Variants in SLC16A12 observed in about 807,000 individuals in gnomAD.
SLC16A12 encodes solute carrier family 16 member 12.
A neutral mutation model predicts 42.4 loss-of-function variants in SLC16A12; 17 were observed. The observed-to-expected ratio is 0.40, with a 90% CI of 0.27 to 0.60. SLC16A12 has a LOEUF of 0.60. Among genes scored for constraint, SLC16A12 ranks in the 20% least tolerant of loss-of-function variants. The pLI, the probability that SLC16A12 is intolerant of heterozygous loss-of-function variation, is 0.42. For synonymous variants in SLC16A12, 224 were observed against 229.4 expected, an observed-to-expected ratio of 0.98 and a Z score of 0.21; for missense variants, 544 against 623.0, an observed-to-expected ratio of 0.87 and a Z score of 1.35.
chr10:89,553,109 A>G (rs1240343118), intron 2 of SLC16A12, among the ~76,000 whole-genome samples: 1 of 152,134 alleles, frequency 6.6e-6, no homozygotes, highest in Non-Finnish European at 1.5e-5. Context: ...CATGCCTATT[A>G]TGTTTTCTGT....
intron 2 of SLC16A12, among the ~76,000 whole-genome samples, chr10:89,512,874 A>C (rs1398301350): frequency 1.3e-5 from 2 of 152,222 alleles, no homozygotes; most frequent in East Asian, 1.9e-4. Context: ...TGGAATTGGC[A>C]TCTGAAGTGG....
chr10:89,465,277 C>T (rs1842374538), intron 2 of SLC16A12, among the ~76,000 whole-genome samples: 2 of 152,342 alleles, frequency 1.3e-5, no homozygotes, highest in South Asian at 4.1e-4. Context: ...ACTGCTTCTA[C>T]TACATTTCCT....
rs1478996686 is a variant in SLC16A12 at position 89,430,471 on chromosome 10, A to G, written c.*2593T>C. 2 of 380,062 alleles carry G rather than the reference A, an allele frequency of 5.3e-6. No individual in the cohort carries two copies. Among genetic ancestry groups the G allele is most frequent in the African/African-American group, 4.4e-5 (2 of 45,004 alleles). 23.5% of individuals were successfully genotyped at this position (380,062 alleles called of 1,614,324 possible). On this transcript the variant is annotated 3_prime_UTR_variant, in exon 8 of 8. Transcript: ENST00000371790. ...CTCAGATAATTCCAAAGTAGAGCTT[A>G]CAGTAGTAGAAAGAAATATTTAAGA... is the stretch of plus-strand genomic sequence containing the variant.
chr10:89,521,535 C>A (rs1843356488), intron 2 of SLC16A12, among the ~76,000 whole-genome samples: 1 of 152,168 alleles, frequency 6.6e-6, no homozygotes, highest in Non-Finnish European at 1.5e-5. Flanking sequence ...ACTACAGAAG[C>A]AGAGGACACC....
At chr10:89,444,681 C>A (rs899341909) in intron 3 of SLC16A12, among the ~76,000 whole-genome samples, 6 of 152,268 alleles carry the variant, frequency 3.9e-5, no homozygotes, top group Non-Finnish European at 7.4e-5. Context: ...CAGCTCCCAG[C>A]GTGATTGATG....
rs552005570 is a variant in SLC16A12, at chr10:89,473,419, G to A, written c.-46-10795C>T. Among the ~76,000 whole-genome samples, 11 of 152,156 alleles carry A rather than the reference G, an allele frequency of 7.2e-5. No homozygotes were observed. The East Asian group carries it at 1.5e-3, about 21-fold the overall frequency. On this transcript the variant is annotated intron_variant, in intron 2 of 7. Coordinates refer to ENST00000371790, the MANE Select transcript of SLC16A12 (RefSeq NM_213606.4). ...TCCATTTATACCAAACCTATAGATA[G>A]AACATGTAAACGTAAAAGAAAACTA...
At chr10:89,470,327 C>T (rs1028559425) in intron 2 of SLC16A12, among the ~76,000 whole-genome samples, 14 of 152,180 alleles carry the variant, frequency 9.2e-5, no homozygotes, top group Non-Finnish European at 1.8e-4. Flanking sequence ...TGACCAAGGA[C>T]AGGTATGTGA....
At chr10:89,463,135 A>G (rs1378285589) in intron 2 of SLC16A12, 1 of 154,104 alleles carries the variant, frequency 6.5e-6, no homozygotes. Context: ...CTGCCCTCCT[A>G]CTCTGGACTC....
intron 2 of SLC16A12, among the ~76,000 whole-genome samples, chr10:89,552,589 G>A (rs1192998910): frequency 6.6e-6 from 1 of 152,190 alleles, no homozygotes; most frequent in Non-Finnish European, 1.5e-5. Flanking sequence ...ATGAGAATTA[G>A]CTCTAAGGTC....
chr10:89,535,873 C>G (rs888226304), upstream of SLC16A12, among the ~76,000 whole-genome samples: 1 of 152,176 alleles, frequency 6.6e-6, no homozygotes, highest in African/African-American at 2.4e-5. Flanking sequence ...CTGGCAACGC[C>G]GGGAGAGGGA....
chr10:89,524,159 A>C (rs1427639516), intron 2 of SLC16A12, among the ~76,000 whole-genome samples: 2 of 152,170 alleles, frequency 1.3e-5, no homozygotes, highest in African/African-American at 2.4e-5. Context: ...AATAAATAAA[A>C]GTCTTACCAT....
chr10:89,466,972 CAA>C (rs1429538634), intron 2 of SLC16A12, among the ~76,000 whole-genome samples: 1 of 152,244 alleles, frequency 6.6e-6, no homozygotes, highest in African/African-American at 2.4e-5. Flanking sequence ...AACCGGCATT[CAA>C]GAGTCTACCT....
chr10:89,478,365 C>G (rs1466586470), intron 2 of SLC16A12, among the ~76,000 whole-genome samples: 2 of 152,174 alleles, frequency 1.3e-5, no homozygotes, highest in African/African-American at 4.8e-5. Context: ...ATGTTTTCAG[C>G]CTCCCAGGTC....
chr10:89,440,657 A>C (rs1234775781), intron 5 of SLC16A12, among the ~76,000 whole-genome samples: 2 of 152,114 alleles, frequency 1.3e-5, no homozygotes, highest in African/African-American at 4.8e-5. Flanking sequence ...TGTGTAATAT[A>C]AGAATATTCA....
At chr10:89,537,830 C>T (rs994729126), upstream of SLC16A12, among the ~76,000 whole-genome samples, 3 of 152,198 alleles carry the variant, frequency 2.0e-5, no homozygotes, top group African/African-American at 7.2e-5. Flanking sequence ...CTAGCAAAGA[C>T]CAAAGCTAAT....
intron 2 of SLC16A12, among the ~76,000 whole-genome samples, chr10:89,507,180 C>A (rs1384950946): frequency 6.6e-6 from 1 of 152,132 alleles, no homozygotes; most frequent in East Asian, 1.9e-4. Context: ...ACTTCCCCAA[C>A]ATAGCAAGGC....
chr10:89,522,058 C>T (rs1162767273), intron 2 of SLC16A12, among the ~76,000 whole-genome samples: 2 of 152,196 alleles, frequency 1.3e-5, no homozygotes, highest in East Asian at 1.9e-4. Flanking sequence ...TATCCAGCAG[C>T]TTTGCCATTC....
At chr10:89,547,966 C>CA (rs60543445) in intron 2 of SLC16A12, among the ~76,000 whole-genome samples, 11,785 of 81,338 alleles carry the variant, frequency 0.14, 1,023 homozygotes, top group African/African-American at 0.22. Context: ...CCAGCCTGGG[C>CA]AAAAAAAAAA....
chr10:89,430,551 C>T lies in SLC16A12; in HGVS notation c.*2513G>A, dbSNP rs1042158184. The T allele has an allele frequency of 2.4e-6, 1 of 420,596 alleles. No individual in the cohort carries two copies. Among genetic ancestry groups the T allele is most frequent in the African/African-American group, 2.1e-5 (1 of 46,516 alleles). The allele number at this position is 420,596 out of a possible 1,614,324, so 26.1% of individuals were successfully genotyped here. A position where few individuals can be genotyped will look rare whatever the true frequency, so the allele number is the denominator to read the frequency against. On this transcript the variant is annotated 3_prime_UTR_variant, in exon 8 of 8. Transcript: ENST00000371790. Reference sequence around the variant, plus strand: ...TTGATTCCACAAAATACATCATTCCCATGAATTTCTCAGTTTTGAAATAAA... The same window carrying T: ...TTGATTCCACAAAATACATCATTCCTATGAATTTCTCAGTTTTGAAATAAA...
Sources: gnomAD v4.1 joint callset for allele counts (sites outside exome capture counted in the v4.1 genomes callset) on GRCh38, gnomAD v4.1.1 for gene constraint, MANE v1.5 for transcripts, NCBI Gene and HGNC (gene_info 2026-07-23, HGNC 2026-07-21) for gene names.